The following MXI1 variants were observed in gnomAD, a reference collection of about 807,000 sequenced individuals.
The protein encoded by MXI1 is max-interacting protein 1.
In MXI1, 18 loss-of-function variants were observed where a neutral mutation model predicts 36.9. The ratio of observed to expected loss-of-function variants is 0.49; its 90% CI spans 0.34 to 0.72. The LOEUF (loss-of-function observed/expected upper bound fraction) is 0.72, where lower values mean the gene tolerates loss of function less well. Ranked by LOEUF, MXI1 falls within the 30% of genes least tolerant of loss-of-function variation. The pLI, the probability that MXI1 is intolerant of heterozygous loss-of-function variation, is 0.01. For synonymous variants in MXI1, 160 were observed against 146.7 expected, an observed-to-expected ratio of 1.09 and a Z score of -0.65; for missense variants, 304 against 379.1, an observed-to-expected ratio of 0.80 and a Z score of 1.64.
At chr10:110,267,441 T>C (rs1402921532) in intron 3 of MXI1, among the ~76,000 whole-genome samples, 1 of 152,210 alleles carries the variant, frequency 6.6e-6, no homozygotes, top group Non-Finnish European at 1.5e-5. Context: ...ATTTGGACCA[T>C]TGATGCAACC....
At chr10:110,242,371 G>A (rs1855699641) in intron 2 of MXI1, among the ~76,000 whole-genome samples, 1 of 151,910 alleles carries the variant, frequency 6.6e-6, no homozygotes, top group East Asian at 1.9e-4. Flanking sequence ...GAACACTGAA[G>A]GTACTCAGTA....
chr10:110,271,570 G>A (rs1206702616), intron 3 of MXI1, among the ~76,000 whole-genome samples: 1 of 152,152 alleles, frequency 6.6e-6, no homozygotes, highest in Non-Finnish European at 1.5e-5. Flanking sequence ...CCCACCAGGT[G>A]GACATTTGGA....
At chr10:110,218,825 A>C (rs576791268) in intron 1 of MXI1, among the ~76,000 whole-genome samples, 157 of 152,306 alleles carry the variant, frequency 1.0e-3, no homozygotes, top group African/African-American at 3.6e-3. Flanking sequence ...TGGCCCATAC[A>C]TGGAGCCAAG....
intron 3 of MXI1, chr10:110,257,229 G>A (rs1856331976): frequency 6.6e-6 from 1 of 151,914 alleles, no homozygotes; most frequent in African/African-American, 2.4e-5. Context: ...GTCCACAAAT[G>A]TTACCATGGC....
chr10:110,211,397 G>T (rs1854511558), intron 1 of MXI1, among the ~76,000 whole-genome samples: 1 of 152,090 alleles, frequency 6.6e-6, no homozygotes, highest in African/African-American at 2.4e-5. Context: ...GAGCTGTAGT[G>T]CGGCCAGCTG....
chr10:110,224,635 CTTT>C (rs34948360), intron 1 of MXI1, among the ~76,000 whole-genome samples: 6 of 126,404 alleles, frequency 4.7e-5, no homozygotes, highest in African/African-American at 1.2e-4. Context: ...CAGTCAGTGG[CTTT>C]TTTTTTTTTT....
chr10:110,255,279 C>T (rs913035091), intron 3 of MXI1, among the ~76,000 whole-genome samples: 5 of 152,266 alleles, frequency 3.3e-5, no homozygotes, highest in East Asian at 1.9e-4. Context: ...TACTATTTGA[C>T]GCCTACTGTT....
intron 3 of MXI1, among the ~76,000 whole-genome samples, chr10:110,271,384 C>G (rs555908304): frequency 2.0e-5 from 3 of 152,194 alleles, no homozygotes; most frequent in Admixed American, 2.0e-4. Context: ...CTCCTCCCCA[C>G]TGTGTGCCAG....
intron 3 of MXI1, among the ~76,000 whole-genome samples, chr10:110,264,087 G>T (rs975275786): frequency 1.3e-5 from 2 of 152,080 alleles, no homozygotes; most frequent in African/African-American, 2.4e-5. Context: ...GTGTGTGTGT[G>T]TGTGTGTATG....
chr10:110,257,455 C>T (rs1030353721), intron 3 of MXI1, among the ~76,000 whole-genome samples: 2 of 151,784 alleles, frequency 1.3e-5, no homozygotes, highest in Middle Eastern at 3.2e-3. Context: ...ATTACAGGCA[C>T]CCACCACCAC....
chr10:110,221,263 G>A (rs1854800742), intron 1 of MXI1, among the ~76,000 whole-genome samples: 1 of 152,260 alleles, frequency 6.6e-6, no homozygotes. Flanking sequence ...TTGATAGACA[G>A]CTGTTGGCCT....
At chr10:110,225,041 C>T (rs1404488917) in intron 1 of MXI1, among the ~76,000 whole-genome samples, 1 of 152,190 alleles carries the variant, frequency 6.6e-6, no homozygotes, top group East Asian at 1.9e-4. Context: ...CTTCTATTTA[C>T]TGAGTGCCTA....
chr10:110,218,361 A>C (rs1854709754), intron 1 of MXI1, among the ~76,000 whole-genome samples: 1 of 151,746 alleles, frequency 6.6e-6, no homozygotes, highest in Non-Finnish European at 1.5e-5. Flanking sequence ...GAAGCAGGAG[A>C]ATGGCGTGAA....
chr10:110,230,466 T>C (rs937146203), intron 2 of MXI1, among the ~76,000 whole-genome samples: 18 of 152,150 alleles, frequency 1.2e-4, no homozygotes, highest in African/African-American at 3.9e-4. Flanking sequence ...GAGAAGATAC[T>C]TTTTTTATGG....
At position 110,280,119 on chromosome 10, in the gene MXI1, A is replaced by G. The variant is rs371347061; in HGVS notation, c.724+34A>G. ...CTTGCCTCTTCTCTAATGAAATACT[A>G]AACATCTCTGTATCTGGATTTAGGG... On this transcript the variant is annotated intron_variant, in intron 5 of 5. Coordinates refer to ENST00000332674, the MANE Select transcript of MXI1 (RefSeq NM_130439.3). 2.0e-6 allele frequency: 3 copies of G among 1,531,246 alleles called. No homozygotes were observed. The African/African-American group carries it at 4.2e-5, about 21-fold the overall frequency. 94.9% of individuals were successfully genotyped at this position (1,531,246 alleles called of 1,614,324 possible). A position where few individuals can be genotyped will look rare whatever the true frequency, so the allele number is the denominator to read the frequency against.
intron 2 of MXI1, among the ~76,000 whole-genome samples, chr10:110,233,258 A>C: frequency 6.6e-6 from 1 of 152,258 alleles, no homozygotes; most frequent in Non-Finnish European, 1.5e-5. Flanking sequence ...AGAATAAAGA[A>C]ATGCTTTAGT....
At chr10:110,263,933 GTCTC>G (rs1437904106) in intron 3 of MXI1, among the ~76,000 whole-genome samples, 1 of 152,156 alleles carries the variant, frequency 6.6e-6, no homozygotes, top group African/African-American at 2.4e-5. Flanking sequence ...AAAGCTAATT[GTCTC>G]TCTTAGTTTA....
At chr10:110,240,039 G>A (rs916773305) in intron 2 of MXI1, among the ~76,000 whole-genome samples, 6 of 151,626 alleles carry the variant, frequency 4.0e-5, no homozygotes. Context: ...TGTGTGTTTG[G>A]CTTTTTTCAT....
chr10:110,228,159 T>TA, intron 1 of MXI1, 30 bp from the exon 2 acceptor site: 1 of 1,612,394 alleles, frequency 6.2e-7, no homozygotes, highest in Non-Finnish European at 8.5e-7. Context: ...ATATTCTTCT[T>TA]ACCGTATCTT....
Sources: gnomAD v4.1 joint callset for allele counts (sites outside exome capture counted in the v4.1 genomes callset) on GRCh38, gnomAD v4.1.1 for gene constraint, MANE v1.5 for transcripts, NCBI Gene and HGNC (gene_info 2026-07-23, HGNC 2026-07-21) for gene names.